EYS: variants seen among roughly 807,000 people sequenced by gnomAD.
EYS encodes the protein EGF-like photoreceptor maintenance factor.
In EYS, 250 loss-of-function variants were observed where a neutral mutation model predicts 282.1. The ratio of observed to expected loss-of-function variants is 0.89; its 90% CI spans 0.80 to 0.98. The LOEUF is 0.98. Among genes scored for constraint, EYS ranks in the 50% least tolerant of loss-of-function variants. EYS has a pLI of 0.00. For synonymous variants in EYS, 1,355 were observed against 1,282.9 expected, an observed-to-expected ratio of 1.06 and a Z score of -1.20; for missense variants, 4,016 against 3,709.0, an observed-to-expected ratio of 1.08 and a Z score of -2.15.
intron 28 of EYS, among the ~76,000 whole-genome samples, chr6:64,397,375 C>G (rs559057232): frequency 6.6e-6 from 1 of 152,122 alleles, no homozygotes; most frequent in African/African-American, 2.4e-5. Context: ...GATGTTATAT[C>G]TACCTTTTAT....
At chr6:65,217,370 T>C (rs896480611) in intron 12 of EYS, among the ~76,000 whole-genome samples, 3 of 152,110 alleles carry the variant, frequency 2.0e-5, no homozygotes, top group Non-Finnish European at 4.4e-5. Context: ...CAATGCTTTT[T>C]TCAAAGAAAA....
intron 12 of EYS, among the ~76,000 whole-genome samples, chr6:65,140,604 C>T (rs899003055): frequency 1.3e-5 from 2 of 150,712 alleles, no homozygotes; most frequent in Admixed American, 6.6e-5. Flanking sequence ...TGACAAAGGG[C>T]TAATATCCAG....
chr6:65,618,809 A>T (rs1329819262), intron 2 of EYS, among the ~76,000 whole-genome samples: 1 of 152,160 alleles, frequency 6.6e-6, no homozygotes, highest in African/African-American at 2.4e-5. Flanking sequence ...TTAAATAGGG[A>T]ATCCTTTCCC....
chr6:64,161,062 G>T (rs374949650), intron 31 of EYS, among the ~76,000 whole-genome samples: 2 of 152,152 alleles, frequency 1.3e-5, no homozygotes, highest in African/African-American at 4.8e-5. Flanking sequence ...TAAATGTACA[G>T]TTACCTTAAT....
intron 5 of EYS, among the ~76,000 whole-genome samples, chr6:65,432,537 C>A (rs747653393): frequency 1.1e-4 from 17 of 151,960 alleles, no homozygotes; most frequent in Non-Finnish European, 2.5e-4. Context: ...AAATGCCTAA[C>A]TTTGCAGAAC....
intron 5 of EYS, among the ~76,000 whole-genome samples, chr6:65,443,578 A>G (rs189189164): frequency 2.5e-3 from 386 of 151,914 alleles, no homozygotes; most frequent in Non-Finnish European, 3.9e-3. Context: ...ACATATGTGT[A>G]TATACACATA....
At chr6:65,581,014 G>A (rs1764848700) in intron 2 of EYS, among the ~76,000 whole-genome samples, 1 of 151,880 alleles carries the variant, frequency 6.6e-6, no homozygotes, top group East Asian at 1.9e-4. Flanking sequence ...GAGTAATTTT[G>A]GCACTTTGTT....
chr6:64,909,003 G>A (rs999140753), intron 16 of EYS, among the ~76,000 whole-genome samples: 2 of 152,012 alleles, frequency 1.3e-5, no homozygotes, highest in African/African-American at 4.8e-5. Flanking sequence ...ATGTTTCACC[G>A]GGTACCCACC....
chr6:64,714,650 G>T (rs1448668354), intron 22 of EYS, among the ~76,000 whole-genome samples: 1 of 151,286 alleles, frequency 6.6e-6, no homozygotes. Flanking sequence ...CTCAGCCTCT[G>T]GAGTAGCTGG....
At chr6:65,409,893 T>C (rs73741573) in intron 5 of EYS, among the ~76,000 whole-genome samples, 1,718 of 152,188 alleles carry the variant, frequency 0.011, 37 homozygotes, top group African/African-American at 0.039. Flanking sequence ...CAGTATAAAA[T>C]GTTCAGTGAC....
At chr6:63,758,922 A>G (rs892266007) in intron 41 of EYS, among the ~76,000 whole-genome samples, 5 of 152,070 alleles carry the variant, frequency 3.3e-5, no homozygotes, top group African/African-American at 1.2e-4. Context: ...AGTAGCAACC[A>G]AGTCCTATTT....
At chr6:64,186,637 T>G (rs1040847249) in intron 31 of EYS, among the ~76,000 whole-genome samples, 1 of 152,090 alleles carries the variant, frequency 6.6e-6, no homozygotes, top group African/African-American at 2.4e-5. Context: ...AGAAACAAAT[T>G]TGACATCCTT....
At chr6:65,608,035 A>T (rs909415391) in intron 2 of EYS, among the ~76,000 whole-genome samples, 1 of 152,158 alleles carries the variant, frequency 6.6e-6, no homozygotes. Flanking sequence ...TGTGGAGGAA[A>T]CACATTCAGC....
At chr6:64,071,644 T>C (rs1472037306) in intron 32 of EYS, among the ~76,000 whole-genome samples, 1 of 147,048 alleles carries the variant, frequency 6.8e-6, no homozygotes, top group East Asian at 2.0e-4. Flanking sequence ...TAGCATTAGG[T>C]ATATCTCCTA....
In EYS at chr6:64,230,631, C is replaced by G; in HGVS notation, c.6385G>C (p.Asp2129His). The stretch of plus-strand genomic sequence containing the variant: ...CGGCCAGTGAAATGTAGTGGACAGT[C>G]ACATTGGAATGACACTATGCCACTG... ...LSSGIVSFQC[D>H]CPLHFTGRFC... Residue 2129 changes from aspartate (D) to histidine (H), a missense_variant, in exon 31 of 43, where the codon GAC (aspartate) becomes CAC (histidine). Asp to His is a moderately conservative substitution (Grantham distance 81). Transcript: ENST00000503581. The G allele has an allele frequency of 6.4e-7, 1 of 1,551,374 alleles. No individual in the cohort carries two copies. Among genetic ancestry groups the G allele is most frequent in the South Asian group, 1.2e-5 (1 of 84,032 alleles).
intron 24 of EYS, among the ~76,000 whole-genome samples, chr6:64,595,875 A>G (rs866832406): frequency 1.1e-3 from 166 of 152,338 alleles, no homozygotes; most frequent in African/African-American, 3.8e-3. Flanking sequence ...CTGCATTGCT[A>G]TAAAGAAATA....
Position 63,872,172 on chromosome 6 carries a change from C to G in EYS, c.7056-7814G>C, listed in dbSNP as rs186478945. The stretch of plus-strand genomic sequence containing the variant: ...GGCTTCTCAGTGAGCTCCCTAGAGT[C>G]CCAGAGGGTAGCTTCCCAGTGCATT... On this transcript the variant is annotated intron_variant, in intron 35 of 42. Transcript: ENST00000503581. Among the ~76,000 whole-genome samples, 39 of 152,266 alleles carry G rather than the reference C, an allele frequency of 2.6e-4. No individual in the cohort carries two copies. The East Asian group carries it at 7.2e-3, about 28-fold the overall frequency.
At chr6:65,554,806 G>A (rs1056348990) in intron 2 of EYS, among the ~76,000 whole-genome samples, 15 of 152,280 alleles carry the variant, frequency 9.9e-5, no homozygotes, top group African/African-American at 3.6e-4. Flanking sequence ...GTCTAGCCAA[G>A]AAGGAGTAGA....
At chr6:64,763,537 A>C (rs148029165) in intron 22 of EYS, among the ~76,000 whole-genome samples, 3 of 152,088 alleles carry the variant, frequency 2.0e-5, no homozygotes, top group Non-Finnish European at 4.4e-5. Flanking sequence ...AAAAATCCCA[A>C]CTGGAGTTGA....
Sources: allele counts gnomAD v4.1 joint callset (sites outside exome capture counted in the v4.1 genomes callset), GRCh38; gene constraint gnomAD v4.1.1; transcripts MANE v1.5; gene names NCBI Gene and HGNC (gene_info 2026-07-23, HGNC 2026-07-21).